USP26: variants seen among roughly 807,000 people sequenced by gnomAD.
USP26 encodes the protein ubiquitin specific peptidase 26, also known as ubiquitin carboxyl-terminal hydrolase 26.
For synonymous variants in USP26, 236 were observed against 240.6 expected (o/e 0.98, Z 0.18); for missense variants, 649 against 642.3 (o/e 1.01, Z -0.11).
intron 5 of USP26, among the ~76,000 whole-genome samples, chrX:133,052,871 G>A (rs375687257): frequency 1.8e-5 from 2 of 111,532 alleles, no homozygotes; most frequent in Non-Finnish European, 3.8e-5. Flanking sequence ...AGATGGGGAG[G>A]GGGGTGAGAG....
At chrX:133,049,813 A>C (rs2067452711) in intron 5 of USP26, among the ~76,000 whole-genome samples, 1 of 112,055 alleles carries the variant, frequency 8.9e-6, no homozygotes, top group Non-Finnish European at 1.9e-5. Flanking sequence ...ACTCCTCTGA[A>C]ATACTTTCAC....
chrX:133,083,340 CA>C (rs767730081), intron 5 of USP26, among the ~76,000 whole-genome samples: 79 of 112,115 alleles, frequency 7.0e-4, no homozygotes, highest in African/African-American at 2.5e-3. Flanking sequence ...GGTAGCTGGA[CA>C]GTGTTTTCTG....
intron 1 of USP26, among the ~76,000 whole-genome samples, chrX:133,095,037 G>C (rs2067623263): frequency 1.0e-5 from 1 of 100,023 alleles, no homozygotes; most frequent in Non-Finnish European, 2.0e-5. Flanking sequence ...AGACGTTGCA[G>C]TGAGCTGGGA....
intron 5 of USP26, among the ~76,000 whole-genome samples, chrX:133,058,281 A>G (rs947058642): frequency 9.0e-6 from 1 of 110,883 alleles, no homozygotes; most frequent in Non-Finnish European, 1.9e-5. Context: ...AGTAATCTAT[A>G]AATGTCAATT....
chrX:133,085,770 A>G (rs1272267622), intron 4 of USP26, among the ~76,000 whole-genome samples: 1 of 111,881 alleles, frequency 8.9e-6, no homozygotes, highest in Non-Finnish European at 1.9e-5. Context: ...ATGAGAAAGC[A>G]TAGATTTACT....
At chrX:133,044,560 G>A (rs747781260) in intron 5 of USP26, among the ~76,000 whole-genome samples, 1 of 113,355 alleles carries the variant, frequency 8.8e-6, no homozygotes, top group Non-Finnish European at 1.9e-5. Flanking sequence ...CCCCAGCAGT[G>A]CCGGCCCACT....
chrX:133,049,092 A>T (rs971982639), intron 5 of USP26, among the ~76,000 whole-genome samples: 1 of 112,238 alleles, frequency 8.9e-6, no homozygotes, highest in Non-Finnish European at 1.9e-5. Context: ...CAATTTTCTC[A>T]CTGAAAGAGA....
intron 1 of USP26, among the ~76,000 whole-genome samples, chrX:133,096,826 C>T (rs1454977042): frequency 1.8e-5 from 2 of 111,302 alleles, no homozygotes; most frequent in Non-Finnish European, 3.8e-5. Context: ...ACCCAGGAGG[C>T]GGAGGTTGCA....
intron 5 of USP26, among the ~76,000 whole-genome samples, chrX:133,034,896 A>C (rs1332810310): frequency 1.8e-5 from 2 of 111,818 alleles, no homozygotes; most frequent in Non-Finnish European, 3.8e-5. Flanking sequence ...GAAATTCATT[A>C]ATAGAGAACA....
intron 5 of USP26, among the ~76,000 whole-genome samples, chrX:133,050,684 A>G (rs1385100593): frequency 8.9e-6 from 1 of 111,975 alleles, no homozygotes; most frequent in Admixed American, 9.5e-5. Flanking sequence ...AAGAATGTTG[A>G]TCAAACATCA....
chrX:133,029,980 A>T (rs1270436752), intron 5 of USP26, among the ~76,000 whole-genome samples: 1 of 111,903 alleles, frequency 8.9e-6, no homozygotes, highest in East Asian at 2.8e-4. Flanking sequence ...CCTGTTCTTC[A>T]TTCTGCCTTG....
chrX:133,035,519 A>C (rs190403354), intron 5 of USP26, among the ~76,000 whole-genome samples: 42 of 112,202 alleles, frequency 3.7e-4, no homozygotes, highest in African/African-American at 1.3e-3. Flanking sequence ...TTGGGGAGCT[A>C]AAACCACAAA....
Position 133,025,614 on chromosome X carries a change from C to A in USP26, c.2607G>T (p.Gln869His). 1 of 1,211,293 alleles carries A rather than the reference C, an allele frequency of 8.3e-7. No homozygotes were observed. The highest frequency in any genetic ancestry group is 1.7e-5 in the African/African-American group (1 of 57,686). ...CAGTGCAACGCCTATCCTCCTGCAT[C>A]TGGGCCTCCTGGATACCTAACACCC... ...DMRVLGIQEAQMQEDRRCTGY... is the reference protein window; with the variant it reads ...DMRVLGIQEAHMQEDRRCTGY... Residue 869 changes from glutamine (Q) to histidine (H), a missense_variant, in exon 6 of 6, where the codon CAG becomes CAT. Physicochemically the swap from Gln to His is conservative, Grantham distance 24 (BLOSUM62 0). Coordinates refer to ENST00000511190, the MANE Select transcript of USP26 (RefSeq NM_031907.3).
chrX:133,078,154 C>T (rs758208519), intron 5 of USP26, among the ~76,000 whole-genome samples: 2 of 110,919 alleles, frequency 1.8e-5, no homozygotes, highest in East Asian at 5.7e-4. Flanking sequence ...CCATGTGACA[C>T]GCCTGCTCCC....
intron 5 of USP26, among the ~76,000 whole-genome samples, chrX:133,036,028 G>A (rs143202501): frequency 3.4e-3 from 371 of 110,705 alleles, no homozygotes; most frequent in African/African-American, 0.011. Flanking sequence ...GAGACAGGAG[G>A]ATTGCTTGAA....
intron 5 of USP26, among the ~76,000 whole-genome samples, chrX:133,075,884 C>G (rs750097506): frequency 1.8e-5 from 2 of 111,724 alleles, no homozygotes; most frequent in African/African-American, 3.2e-5. Flanking sequence ...CCTTTACACA[C>G]GTTATCCCAT....
chrX:133,040,360 T>C (rs1301407603), intron 5 of USP26, among the ~76,000 whole-genome samples: 1 of 111,727 alleles, frequency 9.0e-6, no homozygotes, highest in Non-Finnish European at 1.9e-5. Context: ...AGTGCTTCCT[T>C]CAGGAGCTCT....
chrX:133,037,476 G>T (rs1370548493), intron 5 of USP26, among the ~76,000 whole-genome samples: 5 of 111,875 alleles, frequency 4.5e-5, no homozygotes, highest in Non-Finnish European at 9.4e-5. Context: ...GTGAAGATCA[G>T]ATGGTTGTAG....
chrX:133,077,834 T>A (rs1325010160), intron 5 of USP26, among the ~76,000 whole-genome samples: 1 of 111,679 alleles, frequency 9.0e-6, no homozygotes, highest in Non-Finnish European at 1.9e-5. Context: ...GTAACCCCAA[T>A]ACTTTGAGAG....
Sources: allele counts gnomAD v4.1 joint callset (sites outside exome capture counted in the v4.1 genomes callset), GRCh38; gene constraint gnomAD v4.1.1; transcripts MANE v1.5; gene names NCBI Gene and HGNC (gene_info 2026-07-23, HGNC 2026-07-21).